CNTN6: variants seen among roughly 807,000 people sequenced by gnomAD.
The protein encoded by CNTN6 is contactin-6.
Under a neutral mutation model 122.8 loss-of-function variants are expected in CNTN6, and 137 were observed. The observed-to-expected ratio is 1.12, with a 90% CI of 0.97 to 1.29. CNTN6 has a LOEUF of 1.29. CNTN6 is among the 50% of genes most tolerant of loss of function. The probability of loss-of-function intolerance (pLI) is 0.00; values close to 1 mark genes in which losing one functional copy is unlikely to be tolerated. For synonymous variants in CNTN6, 570 were observed against 426.0 expected (o/e 1.34, Z -4.16); for missense variants, 1,634 against 1,223.4 (o/e 1.34, Z -5.01).
chr3:1,122,245 A>G (rs2091975098), intron 1 of CNTN6, among the ~76,000 whole-genome samples: 1 of 151,702 alleles, frequency 6.6e-6, no homozygotes, highest in Admixed American at 6.6e-5. Context: ...CCTTGCAGGA[A>G]ATATACATTT....
intron 5 of CNTN6, among the ~76,000 whole-genome samples, chr3:1,287,921 C>A (rs1005216991): frequency 1.3e-5 from 2 of 152,174 alleles, no homozygotes; most frequent in South Asian, 4.1e-4. Context: ...GGAATAACCA[C>A]GAAAATAGCC....
At chr3:1,341,498 T>C (rs1703885267) in intron 11 of CNTN6, among the ~76,000 whole-genome samples, 1 of 152,180 alleles carries the variant, frequency 6.6e-6, no homozygotes, top group Non-Finnish European at 1.5e-5. Context: ...TTCCTTAACA[T>C]TTTATGGGAG....
At chr3:1,387,229 C>A (rs1041158897) in intron 20 of CNTN6, among the ~76,000 whole-genome samples, 1 of 152,178 alleles carries the variant, frequency 6.6e-6, no homozygotes, top group African/African-American at 2.4e-5. Flanking sequence ...ACTGCAAAAG[C>A]CTGTGGAGCA....
chr3:1,305,048 A>G (rs1698131981), intron 7 of CNTN6, among the ~76,000 whole-genome samples: 1 of 151,284 alleles, frequency 6.6e-6, no homozygotes, highest in Non-Finnish European at 1.5e-5. Context: ...GCTGTGTTTT[A>G]ATGAGAAGAA....
intron 2 of CNTN6, among the ~76,000 whole-genome samples, chr3:1,161,170 A>G (rs2093123750): frequency 1.4e-5 from 2 of 146,434 alleles, no homozygotes; most frequent in Non-Finnish European, 3.0e-5. Context: ...GTTGATGCTG[A>G]AAGAGTTTCA....
At chr3:1,356,588 T>A (rs3772283) in intron 12 of CNTN6, among the ~76,000 whole-genome samples, 2 of 151,906 alleles carry the variant, frequency 1.3e-5, no homozygotes, top group Middle Eastern at 6.8e-3. Context: ...CCCAGTTTGA[T>A]TGAGCAGACC....
chr3:1,377,114 G>T (rs752013025), intron 17 of CNTN6, 39 bp downstream of exon 17: 3 of 1,372,004 alleles, frequency 2.2e-6, no homozygotes, highest in Non-Finnish European at 3.1e-6. Flanking sequence ...GAAGAAAAGA[G>T]ATTTAACTGG....
intron 17 of CNTN6, among the ~76,000 whole-genome samples, chr3:1,377,637 C>T (rs1327390829): frequency 6.6e-6 from 1 of 152,096 alleles, no homozygotes; most frequent in African/African-American, 2.4e-5. Flanking sequence ...TTTAGACTTT[C>T]AACCAATTTA....
intron 11 of CNTN6, among the ~76,000 whole-genome samples, chr3:1,348,911 C>A (rs1421215594): frequency 6.6e-6 from 1 of 151,900 alleles, no homozygotes; most frequent in Non-Finnish European, 1.5e-5. Context: ...GAACCAGCTC[C>A]CTATAATATG....
intron 7 of CNTN6, among the ~76,000 whole-genome samples, chr3:1,311,645 A>C (rs904854247): frequency 6.6e-6 from 1 of 151,074 alleles, no homozygotes; most frequent in Non-Finnish European, 1.5e-5. Context: ...AATATAGGCA[A>C]GAAAAAAGGA....
At chr3:1,300,781 T>G (rs1280034631) in intron 7 of CNTN6, among the ~76,000 whole-genome samples, 1 of 152,008 alleles carries the variant, frequency 6.6e-6, no homozygotes, top group Non-Finnish European at 1.5e-5. Context: ...AAACCTGTGC[T>G]ACATTCCCTT....
intron 12 of CNTN6, among the ~76,000 whole-genome samples, chr3:1,359,995 A>T (rs1393311744): frequency 6.6e-6 from 1 of 152,052 alleles, no homozygotes; most frequent in African/African-American, 2.4e-5. Flanking sequence ...TTGACGCTCC[A>T]TTGCCTAACT....
chr3:1,277,346 CTTTTTTTTTTTTTTTTT>C (rs10599744), intron 4 of CNTN6, among the ~76,000 whole-genome samples: 53 of 80,172 alleles, frequency 6.6e-4, no homozygotes, highest in Non-Finnish European at 1.2e-3. Flanking sequence ...AGTAGGTTTT[CTTTTTTTTTTTTTTTTT>C]TTTTTTTTTT....
chr3:1,206,577 A>C (rs1348032613), intron 2 of CNTN6, among the ~76,000 whole-genome samples: 1 of 152,130 alleles, frequency 6.6e-6, no homozygotes. Context: ...AACCAAATGC[A>C]CCATTGACCC....
intron 21 of CNTN6, among the ~76,000 whole-genome samples, chr3:1,402,093 G>T (rs1175084430): frequency 6.6e-6 from 1 of 151,514 alleles, no homozygotes; most frequent in Non-Finnish European, 1.5e-5. Context: ...TTAACTAATA[G>T]GGATAAATCT....
At chr3:1,402,618 G>T in intron 22 of CNTN6, 132 bp downstream of exon 22, 1 of 676,926 alleles carries the variant, frequency 1.5e-6, no homozygotes, top group Non-Finnish European at 2.4e-6. Flanking sequence ...GTGAGCAAAA[G>T]GTGATGAGCC....
In CNTN6 at chr3:1,278,103, G is replaced by T. The variant is rs141517050; in HGVS notation, c.359-310G>T. ...CCTTTCTAAAATCACACCTTCCTTG[G>T]ACAGACAAAGTAAATATGTGTTGGG... is the stretch of plus-strand genomic sequence containing the variant. On this transcript the variant is annotated intron_variant, in intron 4 of 22. Coordinates refer to ENST00000446702, the MANE Select transcript of CNTN6 (RefSeq NM_001289080.2). 4.2e-3 allele frequency among the ~76,000 whole-genome samples: 634 copies of T among 152,250 alleles called. 2 individuals are homozygous for T. Among genetic ancestry groups the T allele is most frequent in the African/African-American group, 0.014 (593 of 41,526 alleles).
At chr3:1,209,494 T>C (rs944821306) in intron 2 of CNTN6, among the ~76,000 whole-genome samples, 4 of 152,198 alleles carry the variant, frequency 2.6e-5, no homozygotes, top group African/African-American at 7.2e-5. Context: ...TCTTGTGAAG[T>C]GAGTGCTGAT....
At chr3:1,314,903 A>T (rs1699879825) in intron 7 of CNTN6, among the ~76,000 whole-genome samples, 1 of 152,084 alleles carries the variant, frequency 6.6e-6, no homozygotes, top group Non-Finnish European at 1.5e-5. Context: ...TTTGAAATAC[A>T]AGGTTCAAGA....
Sources: allele counts gnomAD v4.1 joint callset (sites outside exome capture counted in the v4.1 genomes callset), GRCh38; gene constraint gnomAD v4.1.1; transcripts MANE v1.5; gene names NCBI Gene and HGNC (gene_info 2026-07-23, HGNC 2026-07-21).